SPINK5: variants seen among roughly 807,000 people sequenced by gnomAD.
SPINK5 encodes the protein serine peptidase inhibitor Kazal type 5.
Under a neutral mutation model 151.8 loss-of-function variants are expected in SPINK5, and 125 were observed. The observed-to-expected ratio is 0.82, with a 90% CI of 0.71 to 0.96. SPINK5 has a LOEUF of 0.96. Among genes scored for constraint, SPINK5 ranks in the 40% least tolerant of loss-of-function variants. SPINK5 has a pLI of 0.00. For missense variants in SPINK5, 1,194 were observed against 1,291.9 expected (o/e 0.92, Z 1.16); for synonymous variants, 374 against 395.3 (o/e 0.95, Z 0.64).
intron 26 of SPINK5, among the ~76,000 whole-genome samples, chr5:148,121,294 A>G (rs1000983915): frequency 3.3e-5 from 5 of 151,028 alleles, no homozygotes; most frequent in East Asian, 1.9e-4. Context: ...AACACGTAGA[A>G]TATTACACAG....
intron 22 of SPINK5, among the ~76,000 whole-genome samples, chr5:148,118,226 C>T (rs1464675533): frequency 1.3e-5 from 2 of 152,166 alleles, no homozygotes; most frequent in East Asian, 1.9e-4. Context: ...ACCATGCTGT[C>T]CAGGCTGGTC....
At chr5:148,118,329 T>G (rs1754153797) in intron 22 of SPINK5, 108 bp from the exon 23 acceptor site, 1 of 1,531,964 alleles carries the variant, frequency 6.5e-7, no homozygotes, top group Non-Finnish European at 9.0e-7. Flanking sequence ...GTTATGTTTC[T>G]TATAAAGAGA....
chr5:148,120,154 T>G lies in SPINK5; in HGVS notation c.2441+18T>G. On this transcript the variant is annotated intron_variant, in intron 25 of 32. Coordinates refer to ENST00000256084, the MANE Select transcript of SPINK5 (RefSeq NM_006846.4). ...GAAAAACTGTGAGTATGTTTCAAAA[T>G]GAGCTTTTGACTGTGAGTCTTAAAG... 6.2e-7 allele frequency: 1 copy of G among 1,614,100 alleles called. No individual in the cohort carries two copies. Among genetic ancestry groups the G allele is most frequent in the Non-Finnish European group, 8.5e-7 (1 of 1,179,936 alleles).
At chr5:148,117,625 A>C (rs6886271) in intron 22 of SPINK5, among the ~76,000 whole-genome samples, 120,846 of 152,166 alleles carry the variant, frequency 0.79, 48,087 homozygotes, top group East Asian at 0.91. Context: ...ATACAATTGA[A>C]CCTTGAACAA....
At chr5:148,086,131 A>G (rs1219945856) in intron 4 of SPINK5, among the ~76,000 whole-genome samples, 1 of 151,918 alleles carries the variant, frequency 6.6e-6, no homozygotes, top group Non-Finnish European at 1.5e-5. Flanking sequence ...CAGACGAACA[A>G]CATGCCAAGT....
chr5:148,103,058 C>T (rs1753690961), intron 15 of SPINK5, among the ~76,000 whole-genome samples: 1 of 152,074 alleles, frequency 6.6e-6, no homozygotes, highest in African/African-American at 2.4e-5. Flanking sequence ...TTTATTTAGT[C>T]TTCCCATATA....
intron 4 of SPINK5, among the ~76,000 whole-genome samples, chr5:148,084,873 T>G (rs1753112097): frequency 6.6e-6 from 1 of 151,942 alleles, no homozygotes; most frequent in Non-Finnish European, 1.5e-5. Flanking sequence ...ATTGTATTTT[T>G]CTGTTTATTT....
At chr5:148,122,858 G>A (rs1284885428) in intron 26 of SPINK5, among the ~76,000 whole-genome samples, 4 of 128,104 alleles carry the variant, frequency 3.1e-5, no homozygotes, top group Non-Finnish European at 3.1e-5. Flanking sequence ...AAAGCACCTC[G>A]CACAATAATT....
intron 4 of SPINK5, among the ~76,000 whole-genome samples, chr5:148,079,924 T>A (rs1752976236): frequency 6.6e-6 from 1 of 151,004 alleles, no homozygotes; most frequent in South Asian, 2.1e-4. Context: ...GCAAAATTAA[T>A]TAATTAATTA....
Position 148,136,976 on chromosome 5 carries a change from C to T in SPINK5, c.3187-7C>T, listed in dbSNP as rs1173300437. 1.2e-6 allele frequency: 2 copies of T among 1,613,688 alleles called. No homozygotes were observed. Among genetic ancestry groups the T allele is most frequent in the African/African-American group, 1.3e-5 (1 of 75,032 alleles). On this transcript the variant is annotated splice_region_variant and splice_polypyrimidine_tract_variant and intron_variant, in intron 32 of 32. Transcript: ENST00000256084. Reference sequence around the variant, plus strand: ...CTAGCATCTAACCTACCCATCTTCTCTTCTAGGACGAATGACAGGAAGATT... The same window carrying T: ...CTAGCATCTAACCTACCCATCTTCTTTTCTAGGACGAATGACAGGAAGATT...
At position 148,065,392 on chromosome 5, in the gene SPINK5, T is replaced by C; in HGVS notation, c.81+20T>C. On this transcript the variant is annotated intron_variant, in intron 2 of 32. Transcript: ENST00000256084. ...GATCAGGTTAGTCCTGCTTTTTCTGTTCATTGAATTCATTCCAAGATTCCC... is the reference window on the plus strand; with the variant it reads ...GATCAGGTTAGTCCTGCTTTTTCTGCTCATTGAATTCATTCCAAGATTCCC... 6.2e-7 allele frequency: 1 copy of C among 1,613,140 alleles called. No homozygotes were observed. Among genetic ancestry groups the C allele is most frequent in the Middle Eastern group, 1.7e-4 (1 of 6,052 alleles).
At chr5:148,125,446 A>T (rs1754404689) in intron 28 of SPINK5, 2 of 1,325,918 alleles carry the variant, frequency 1.5e-6, no homozygotes, top group Non-Finnish European at 2.1e-6. Context: ...GAAAATGGGG[A>T]AAGGAAGGAT....
intron 32 of SPINK5, among the ~76,000 whole-genome samples, chr5:148,134,993 A>G (rs561045719): frequency 2.2e-4 from 33 of 152,020 alleles, no homozygotes; most frequent in Admixed American, 5.2e-4. Context: ...ATCATAAGCT[A>G]GAGTCTTCCT....
At position 148,088,557 on chromosome 5, in the gene SPINK5, A is replaced by C. The variant is rs764813956; in HGVS notation, c.426A>C (p.Gln142His). The C allele has an allele frequency of 6.8e-6, 11 of 1,611,746 alleles. No individual in the cohort carries two copies. The East Asian group carries it at 2.5e-4, about 36-fold the overall frequency. ...LCAENAKTGS[Q>H]IGVKSEGECK... The stretch of plus-strand genomic sequence containing the variant: ...TTGATTCTAGGAAAACCGGGTCCCA[A>C]ATTGGTGTAAAAAGTGAAGGGGAAT... The change falls in exon 6 of 33, where the codon CAA (glutamine) becomes CAC (histidine). Residue 142 changes from glutamine (Q) to histidine (H), a missense_variant. By Grantham distance (24) the Gln-to-His change is conservative. Transcript: ENST00000256084.
At chr5:148,125,473 A>AAAAC in intron 28 of SPINK5, 1 of 1,542,998 alleles carries the variant, frequency 6.5e-7, no homozygotes, top group Non-Finnish European at 8.9e-7. Flanking sequence ...ACGGGAGAAA[A>AAAAC]AAACAGGAAG....
chr5:148,127,840 A>G (rs1433086188), intron 30 of SPINK5, among the ~76,000 whole-genome samples: 1 of 152,196 alleles, frequency 6.6e-6, no homozygotes, highest in East Asian at 1.9e-4. Context: ...CCTGGGTGAC[A>G]GAACAGGACC....
In SPINK5 at chr5:148,105,039, T is replaced by G. The variant is rs116515232; in HGVS notation, c.1479+39T>G. 4,766 of 1,590,120 alleles carry G rather than the reference T, an allele frequency of 3.0e-3. 119 individuals carry two copies. In the African/African-American group the frequency reaches 0.057, roughly 19 times the overall value. Reference sequence around the variant, plus strand: ...GAATGCTGATGCTGTGCCCTGACATTTTTCATTTCTTTATAATTCTTTACT... The same window carrying G: ...GAATGCTGATGCTGTGCCCTGACATGTTTCATTTCTTTATAATTCTTTACT... On this transcript the variant is annotated intron_variant, in intron 16 of 32. Coordinates refer to ENST00000256084, the MANE Select transcript of SPINK5 (RefSeq NM_006846.4).
In SPINK5 at chr5:148,097,988, C is replaced by T. The variant is rs34482796; in HGVS notation, c.1004C>T (p.Ala335Val). ...MHGNLCSMCQAYFQAENEEKK... is the reference protein window; with the variant it reads ...MHGNLCSMCQVYFQAENEEKK... ...GGCAACTTGTGTTCCATGTGTCAAG[C>T]CTACTTGTGAGTATAGAGTTTTAGA... The change falls in exon 11 of 33, where the codon GCC becomes GTC. Residue 335 changes from alanine to valine, a missense_variant. Ala to Val is a moderately conservative substitution (Grantham distance 64). Coordinates refer to ENST00000256084, the MANE Select transcript of SPINK5 (RefSeq NM_006846.4). The T allele has an allele frequency of 0.51, 814,064 of 1,609,704 alleles. 209,662 individuals are homozygous for T. Among genetic ancestry groups the T allele is most frequent in the Admixed American group, 0.66 (39,561 of 59,794 alleles).
chr5:148,111,187 C>A (rs147261186), intron 18 of SPINK5, among the ~76,000 whole-genome samples: 1 of 151,548 alleles, frequency 6.6e-6, no homozygotes, highest in African/African-American at 2.4e-5. Context: ...CTTGGACCCC[C>A]CTTCTCTGTC....
Sources: gnomAD v4.1 joint callset for allele counts (sites outside exome capture counted in the v4.1 genomes callset) on GRCh38, gnomAD v4.1.1 for gene constraint, MANE v1.5 for transcripts, NCBI Gene and HGNC (gene_info 2026-07-23, HGNC 2026-07-21) for gene names.